PCDHGA2: variants seen among roughly 807,000 people sequenced by gnomAD.
PCDHGA2 encodes the protein protocadherin gamma-A2.
A neutral mutation model predicts 59.2 loss-of-function variants in PCDHGA2; 40 were observed. The ratio of observed to expected loss-of-function variants is 0.68; its 90% confidence interval spans 0.52 to 0.88. The LOEUF (loss-of-function observed/expected upper bound fraction) is 0.88, where lower values mean the gene tolerates loss of function less well. Ranked by LOEUF, PCDHGA2 falls within the 40% of genes least tolerant of loss-of-function variation. The pLI is 0.00. For synonymous variants in PCDHGA2, 560 were observed against 526.0 expected, an observed-to-expected ratio of 1.06 and a Z score of -0.89; for missense variants, 1,226 against 1,204.0, an observed-to-expected ratio of 1.02 and a Z score of -0.27.
chr5:141,367,537 A>AAAT (rs373624904), intron 1 of PCDHGA2: 1 of 147,434 alleles, frequency 6.8e-6, no homozygotes, highest in Admixed American at 6.8e-5. Context: ...ACTCCGTCTC[A>AAAT]AAATAAATAA....
chr5:141,413,170 A>G, intron 1 of PCDHGA2: 1 of 1,595,602 alleles, frequency 6.3e-7, no homozygotes, highest in Non-Finnish European at 8.5e-7. Flanking sequence ...CTGTAACCAG[A>G]CTACAATGGC....
chr5:141,346,644 T>A (rs1757786781), intron 1 of PCDHGA2: 2 of 851,514 alleles, frequency 2.3e-6, no homozygotes, highest in South Asian at 3.8e-5. Flanking sequence ...TATGGTTGAG[T>A]GGGCTTAGGG....
chr5:141,432,873 T>G lies in PCDHGA2; in HGVS notation c.2425-61934T>G, dbSNP rs753576338. The stretch of plus-strand genomic sequence containing the variant: ...GTGGCCGCGGTCTCCTGCGTCTTCC[T>G]GGCCTTCGTCATCTTGCTGCTGGCG... On this transcript the variant is annotated intron_variant, in intron 1 of 3. Transcript: ENST00000394576. This position sits in a 1 kb window ranked among gnomAD's most constrained non-coding sequence, Gnocchi z 6.0. 4 of 1,614,204 alleles carry G rather than the reference T, an allele frequency of 2.5e-6. No homozygotes were observed. The highest frequency in any genetic ancestry group is 3.4e-6 in the Non-Finnish European group (4 of 1,180,014).
Position 141,362,628 on chromosome 5 carries a change from C to A in PCDHGA2, c.2424+21233C>A, listed in dbSNP as rs1366089431. ...CTAATTTGGGTAGGAAGTTCCACTG[C>A]GTATTTCTTTGTCTGTGAGTTAGAT... On this transcript the variant is annotated intron_variant, in intron 1 of 3. Transcript: ENST00000394576. 5 of 1,498,628 alleles carry A rather than the reference C, an allele frequency of 3.3e-6. No homozygotes were observed. In the East Asian group the frequency reaches 1.2e-4, roughly 35 times the overall value. 92.8% of individuals were successfully genotyped at this position (1,498,628 alleles called of 1,614,324 possible).
At chr5:141,362,170 C>G (rs1394296027) in intron 1 of PCDHGA2, 1 of 1,613,918 alleles carries the variant, frequency 6.2e-7, no homozygotes, top group Non-Finnish European at 8.5e-7. Flanking sequence ...CAGCGACCGC[C>G]GGGAGCCCTC....
At position 141,344,812 on chromosome 5, in the gene PCDHGA2, G is replaced by A. The variant is rs750760013; in HGVS notation, c.2424+3417G>A. 6.8e-6 allele frequency: 11 copies of A among 1,613,836 alleles called. No homozygotes were observed. Among genetic ancestry groups the A allele is most frequent in the African/African-American group, 4.0e-5 (3 of 74,898 alleles). ...TGGGAGAACGTGCCTGTGGGTACCC[G>A]GCTGCTCACGGTGAATGCCACTGAC... On this transcript the variant is annotated intron_variant, in intron 1 of 3. Transcript: ENST00000394576.
At chr5:141,365,706 C>T (rs779448749) in intron 1 of PCDHGA2, 1 of 1,613,698 alleles carries the variant, frequency 6.2e-7, no homozygotes, top group African/African-American at 1.3e-5. Flanking sequence ...TCCTACTCCA[C>T]CTCTGTCACA....
At chr5:141,372,589 GCTTCA>G in intron 1 of PCDHGA2, 1 of 1,614,030 alleles carries the variant, frequency 6.2e-7, no homozygotes, top group Non-Finnish European at 8.5e-7. Context: ...CCTGGTGTCT[GCTTCA>G]AGACTGTACC....
chr5:141,409,561 C>T (rs1296401858), intron 1 of PCDHGA2: 4 of 1,613,986 alleles, frequency 2.5e-6, no homozygotes, highest in Non-Finnish European at 3.4e-6. Context: ...CAGTTTTCGA[C>T]CAGACGTCCT....
chr5:141,388,341 A>G, intron 1 of PCDHGA2: 1 of 1,614,036 alleles, frequency 6.2e-7, no homozygotes, highest in Non-Finnish European at 8.5e-7. Flanking sequence ...CACACGATTT[A>G]TATTAGGATC....
At chr5:141,413,058 C>G (rs2095601249) in intron 1 of PCDHGA2, 1 of 1,073,304 alleles carries the variant, frequency 9.3e-7, no homozygotes, top group Non-Finnish European at 1.3e-6. Context: ...AAGCTCACTC[C>G]AGAATTTAAA....
At chr5:141,468,425 T>TA (rs2099167168) in intron 1 of PCDHGA2, 1 of 151,612 alleles carries the variant, frequency 6.6e-6, no homozygotes, top group Non-Finnish European at 1.5e-5. Context: ...GATAGCAAGG[T>TA]AATAGCAAAA....
At chr5:141,368,548 T>A (rs867089614) in intron 1 of PCDHGA2, among the ~76,000 whole-genome samples, 20 of 152,266 alleles carry the variant, frequency 1.3e-4, no homozygotes, top group African/African-American at 3.6e-4. Context: ...CCATTTTTTT[T>A]AAAAGAAAAT....
intron 1 of PCDHGA2, chr5:141,364,103 C>A (rs575957272): frequency 7.3e-6 from 3 of 411,130 alleles, no homozygotes; most frequent in Middle Eastern, 6.3e-4. Flanking sequence ...GATGCAGTCA[C>A]TGGTTAGGAC....
intron 1 of PCDHGA2, chr5:141,400,051 G>A (rs1253013919): frequency 6.2e-7 from 1 of 1,613,762 alleles, no homozygotes; most frequent in East Asian, 2.2e-5. Flanking sequence ...GCTGGTTGCT[G>A]TGCGTGATGG....
chr5:141,372,366 G>A lies in PCDHGA2; in HGVS notation c.2424+30971G>A, dbSNP rs867619570. ...AGGACAGCAGCCTCTTTCAGCCACC[G>A]TCATGCTGCACCTAATCTTCGCAGA... On this transcript the variant is annotated intron_variant, in intron 1 of 3. Coordinates refer to ENST00000394576, the MANE Select transcript of PCDHGA2 (RefSeq NM_018915.4). The A allele has an allele frequency of 3.7e-6, 6 of 1,613,832 alleles. No homozygotes were observed. In the African/African-American group the frequency reaches 6.7e-5, roughly 18 times the overall value.
At chr5:141,408,738 C>A in intron 1 of PCDHGA2, 1 of 1,609,632 alleles carries the variant, frequency 6.2e-7, no homozygotes, top group Non-Finnish European at 8.5e-7. Flanking sequence ...CCTTATTTTT[C>A]ATTAATGGTT....
At position 141,403,188 on chromosome 5, in the gene PCDHGA2, C is replaced by T. The variant is rs763950254; in HGVS notation, c.2424+61793C>T. ...AGGACGCAGCTTTTCTCTCTGAACCCGCGCAGCGGCACCTTGGTCACCGCG... is the reference window on the plus strand; with the variant it reads ...AGGACGCAGCTTTTCTCTCTGAACCTGCGCAGCGGCACCTTGGTCACCGCG... On this transcript the variant is annotated intron_variant, in intron 1 of 3. Coordinates refer to ENST00000394576, the MANE Select transcript of PCDHGA2 (RefSeq NM_018915.4). 5 of 1,613,850 alleles carry T rather than the reference C, an allele frequency of 3.1e-6. No individual in the cohort carries two copies. The African/African-American group carries it at 4.0e-5, about 13-fold the overall frequency.
chr5:141,442,797 G>A (rs140116155), intron 1 of PCDHGA2, among the ~76,000 whole-genome samples: 1,916 of 152,222 alleles, frequency 0.013, 22 homozygotes, highest in Non-Finnish European at 0.02. Context: ...ATTTTACTTT[G>A]ATATTCAAAT....
Sources: gnomAD v4.1 joint callset for allele counts (sites outside exome capture counted in the v4.1 genomes callset) on GRCh38, gnomAD v4.1.1 for gene constraint, Gnocchi (gnomAD v3.1) non-coding constraint, MANE v1.5 for transcripts, NCBI Gene and HGNC (gene_info 2026-07-23, HGNC 2026-07-21) for gene names.